Variants in PHACTR3 observed in about 807,000 individuals in gnomAD.
The protein encoded by PHACTR3 is protein phosphatase 1, regulatory subunit 123.
PHACTR3 carries 16 observed loss-of-function variants against 66.8 expected under a neutral mutation model. That is an observed-to-expected ratio of 0.24 (90% CI 0.16 to 0.36). The LOEUF (loss-of-function observed/expected upper bound fraction) is 0.36. PHACTR3 is among the 10% of genes least tolerant of loss of function. The pLI is 1.00. For synonymous variants in PHACTR3, 323 were observed against 292.1 expected (o/e 1.11, Z -1.08); for missense variants, 647 against 719.9 (o/e 0.90, Z 1.16).
At chr20:59,816,827 G>T (rs970329079) in intron 8 of PHACTR3, among the ~76,000 whole-genome samples, 1 of 152,182 alleles carries the variant, frequency 6.6e-6, no homozygotes, top group Non-Finnish European at 1.5e-5. Context: ...GGCTGCTGGG[G>T]TAATTGCATT....
chr20:59,790,154 A>C (rs1287697561), intron 7 of PHACTR3, among the ~76,000 whole-genome samples: 1 of 152,086 alleles, frequency 6.6e-6, no homozygotes, highest in African/African-American at 2.4e-5. Context: ...TCAGGGGTAC[A>C]TGTGCAGGTT....
At chr20:59,799,875 T>G (rs1377101665) in intron 7 of PHACTR3, among the ~76,000 whole-genome samples, 1 of 152,174 alleles carries the variant, frequency 6.6e-6, no homozygotes, top group East Asian at 1.9e-4. Context: ...TTTTCCATCT[T>G]TTCTATCTTT....
chr20:59,759,416 T>A (rs144484913), intron 4 of PHACTR3, among the ~76,000 whole-genome samples: 56 of 152,306 alleles, frequency 3.7e-4, no homozygotes, highest in African/African-American at 1.3e-3. Flanking sequence ...TTCTTTTCAG[T>A]CATCAAAGTT....
intron 7 of PHACTR3, among the ~76,000 whole-genome samples, chr20:59,787,254 G>T (rs548356503): frequency 6.6e-6 from 1 of 152,204 alleles, no homozygotes; most frequent in African/African-American, 2.4e-5. Context: ...AGGCGTTCTC[G>T]CAGAGGATGC....
chr20:59,771,534 C>T (rs1473998580), intron 5 of PHACTR3, among the ~76,000 whole-genome samples: 2 of 152,020 alleles, frequency 1.3e-5, no homozygotes, highest in Non-Finnish European at 2.9e-5. Context: ...GCTACCACCT[C>T]CCCCCGACCA....
intron 8 of PHACTR3, among the ~76,000 whole-genome samples, chr20:59,817,737 C>T (rs935913480): frequency 1.3e-5 from 2 of 152,222 alleles, no homozygotes; most frequent in African/African-American, 2.4e-5. Context: ...CCAGAATTTC[C>T]AAGAGAAACC....
intron 5 of PHACTR3, 101 bp downstream of exon 5, chr20:59,767,496 A>G: frequency 1.5e-6 from 2 of 1,298,912 alleles, no homozygotes; most frequent in East Asian, 2.5e-5. Flanking sequence ...CTATTTATTC[A>G]CCCATTCACT....
intron 7 of PHACTR3, among the ~76,000 whole-genome samples, chr20:59,790,703 T>C (rs2041064110): frequency 6.6e-6 from 1 of 152,238 alleles, no homozygotes; most frequent in African/African-American, 2.4e-5. Context: ...TATGGTATGA[T>C]CCTACTTTTG....
chr20:59,668,480 G>A (rs6070900), intron 1 of PHACTR3, among the ~76,000 whole-genome samples: 23,638 of 152,102 alleles, frequency 0.16, 2,276 homozygotes, highest in East Asian at 0.25. Context: ...CTCACAGTTT[G>A]CAGGGGTTGT....
Position 59,605,861 on chromosome 20 carries a change from G to A in PHACTR3, c.118+729G>A. ...CCTAATAAAGCGGGGGGGGAGGTGGGGGGGGGGGTGGGCTGTGTGCGCCTG... is the reference window on the plus strand; with the variant it reads ...CCTAATAAAGCGGGGGGGGAGGTGGAGGGGGGGGTGGGCTGTGTGCGCCTG... On this transcript the variant is annotated intron_variant, in intron 1 of 12. Coordinates refer to ENST00000371015, the MANE Select transcript of PHACTR3 (RefSeq NM_080672.5). Among the ~76,000 whole-genome samples, 3 of 75,788 alleles carry A rather than the reference G, an allele frequency of 4.0e-5. No individual in the cohort carries two copies. The South Asian group carries it at 1.7e-3, about 43-fold the overall frequency. The allele number at this position is 75,788 out of a possible 152,430, so 49.7% of individuals were successfully genotyped here. A position where few individuals can be genotyped will look rare whatever the true frequency, so the allele number is the denominator to read the frequency against.
chr20:59,757,448 C>T (rs545500682), intron 4 of PHACTR3, among the ~76,000 whole-genome samples: 9 of 152,286 alleles, frequency 5.9e-5, no homozygotes, highest in South Asian at 2.1e-4. Context: ...GGGCAGAGAG[C>T]GAGGTGCAGA....
intron 4 of PHACTR3, among the ~76,000 whole-genome samples, chr20:59,761,663 A>G (rs1030079215): frequency 9.9e-5 from 15 of 152,200 alleles, no homozygotes; most frequent in Admixed American, 7.9e-4. Context: ...CTGCATCTGA[A>G]CAGAAAAGGT....
chr20:59,751,661 T>C (rs1200363788), intron 3 of PHACTR3, among the ~76,000 whole-genome samples: 1 of 152,086 alleles, frequency 6.6e-6, no homozygotes, highest in South Asian at 2.1e-4. Context: ...ATGGTCTGTT[T>C]TATGAACCAC....
At chr20:59,801,962 T>A (rs562637388) in intron 7 of PHACTR3, among the ~76,000 whole-genome samples, 1 of 152,180 alleles carries the variant, frequency 6.6e-6, no homozygotes, top group East Asian at 1.9e-4. Flanking sequence ...ATGGAATAGG[T>A]CCATTATGGA....
intron 1 of PHACTR3, among the ~76,000 whole-genome samples, chr20:59,647,088 T>C (rs2035305988): frequency 6.6e-6 from 1 of 152,208 alleles, no homozygotes. Flanking sequence ...TACAGACATA[T>C]CTAGGACTGG....
chr20:59,837,105 G>A (rs922921344), intron 9 of PHACTR3, among the ~76,000 whole-genome samples: 3 of 152,176 alleles, frequency 2.0e-5, no homozygotes, highest in African/African-American at 7.2e-5. Flanking sequence ...GAGCATAGGT[G>A]TTCATGAGTA....
intron 2 of PHACTR3, among the ~76,000 whole-genome samples, chr20:59,743,952 C>G (rs758310831): frequency 6.6e-6 from 1 of 152,190 alleles, no homozygotes; most frequent in East Asian, 1.9e-4. Context: ...AGCCCTGGCT[C>G]TGTGGGAAGC....
In PHACTR3 at chr20:59,807,063, G is replaced by A. The variant is rs909671484; in HGVS notation, c.1328+869G>A. 1.6e-4 allele frequency among the ~76,000 whole-genome samples: 25 copies of A among 152,344 alleles called. No individual in the cohort carries two copies. In the East Asian group the frequency reaches 1.7e-3, roughly 11 times the overall value. Reference sequence around the variant, plus strand: ...TGAGTGAACGGGAAGGCTAGCACGCGACCGTGCACCTCCGCAGACTTCAGA... The same window carrying A: ...TGAGTGAACGGGAAGGCTAGCACGCAACCGTGCACCTCCGCAGACTTCAGA... On this transcript the variant is annotated intron_variant, in intron 8 of 12. Transcript: ENST00000371015.
chr20:59,623,639 A>G (rs2034342143), intron 1 of PHACTR3, among the ~76,000 whole-genome samples: 1 of 152,100 alleles, frequency 6.6e-6, no homozygotes, highest in Admixed American at 6.5e-5. Context: ...TGGGATGTAG[A>G]TATGAAGTTT....
Sources: allele counts gnomAD v4.1 joint callset (sites outside exome capture counted in the v4.1 genomes callset), GRCh38; gene constraint gnomAD v4.1.1; transcripts MANE v1.5; gene names NCBI Gene and HGNC (gene_info 2026-07-23, HGNC 2026-07-21).